Variants in NRXN3 observed in about 807,000 individuals in gnomAD.
The protein encoded by NRXN3 is neurexin III.
A neutral mutation model predicts 137.6 loss-of-function variants in NRXN3; 32 were observed. The observed-to-expected ratio is 0.23, with a 90% CI of 0.18 to 0.31. The LOEUF (loss-of-function observed/expected upper bound fraction) is 0.31. Ranked by LOEUF, NRXN3 falls within the 10% of genes least tolerant of loss-of-function variation. NRXN3 has a pLI of 1.00. For missense variants in NRXN3, 1,574 were observed against 2,062.5 expected, an observed-to-expected ratio of 0.76 and a Z score of 4.59; for synonymous variants, 798 against 784.5, an observed-to-expected ratio of 1.02 and a Z score of -0.29.
intron 15 of NRXN3, among the ~76,000 whole-genome samples, chr14:79,167,641 T>C (rs1568481450): frequency 6.6e-6 from 1 of 151,998 alleles, no homozygotes; most frequent in South Asian, 2.1e-4. Context: ...TTATTTTTTT[T>C]CTTCAATGAT....
intron 4 of NRXN3, among the ~76,000 whole-genome samples, chr14:78,563,011 T>C (rs1600516696): frequency 6.6e-6 from 1 of 152,152 alleles, no homozygotes; most frequent in Non-Finnish European, 1.5e-5. Flanking sequence ...AGATGGGACA[T>C]CCAAGGTACC....
intron 10 of NRXN3, among the ~76,000 whole-genome samples, chr14:78,881,688 GA>G (rs1235289468): frequency 1.2e-4 from 18 of 151,822 alleles, no homozygotes; most frequent in Admixed American, 1.1e-3. Context: ...CACAAAGATA[GA>G]ATTTGGAATT....
At chr14:78,471,314 ACACACACACACACACACACC>A (rs932870637) in intron 4 of NRXN3, among the ~76,000 whole-genome samples, 57 of 75,288 alleles carry the variant, frequency 7.6e-4, no homozygotes, top group South Asian at 4.8e-3. Flanking sequence ...ACACACACAC[ACACACACACACACACACACC>A]CCCAAGAAAT....
chr14:79,439,033 T>G (rs1235149955), intron 15 of NRXN3, among the ~76,000 whole-genome samples: 1 of 152,260 alleles, frequency 6.6e-6, no homozygotes, highest in Non-Finnish European at 1.5e-5. Flanking sequence ...TTTTCCACTT[T>G]CTTTCATGCA....
chr14:79,227,323 C>T (rs574135471), intron 15 of NRXN3, among the ~76,000 whole-genome samples: 12 of 152,158 alleles, frequency 7.9e-5, no homozygotes, highest in African/African-American at 2.4e-4. Context: ...CTTATACTTT[C>T]GTGTTAATAC....
chr14:78,623,020 G>A (rs2097421339), intron 4 of NRXN3, among the ~76,000 whole-genome samples: 3 of 152,120 alleles, frequency 2.0e-5, no homozygotes, highest in Admixed American at 6.5e-5. Flanking sequence ...AAAACCCCAG[G>A]ACTTATAAAT....
chr14:78,706,071 G>C (rs12887197), intron 6 of NRXN3, among the ~76,000 whole-genome samples: 139,281 of 151,936 alleles, frequency 0.92, 64,115 homozygotes, highest in Middle Eastern at 0.97. Flanking sequence ...TCCCCAGCCT[G>C]CTGTAGCAAT....
At chr14:78,822,139 C>G (rs1458429674) in intron 10 of NRXN3, among the ~76,000 whole-genome samples, 1 of 152,090 alleles carries the variant, frequency 6.6e-6, no homozygotes, top group East Asian at 1.9e-4. Context: ...TTTGTCACAG[C>G]AAAATAATAT....
chr14:79,030,895 G>T (rs561524241), intron 15 of NRXN3, among the ~76,000 whole-genome samples: 1 of 151,900 alleles, frequency 6.6e-6, no homozygotes, highest in African/African-American at 2.4e-5. Flanking sequence ...TCGTGTGGCA[G>T]CTTGTCTTTT....
intron 19 of NRXN3, among the ~76,000 whole-genome samples, chr14:79,744,995 A>C (rs2098974973): frequency 6.6e-6 from 1 of 151,264 alleles, no homozygotes; most frequent in Non-Finnish European, 1.5e-5. Flanking sequence ...TTTAAGTCAA[A>C]AGTTGAATAT....
intron 19 of NRXN3, among the ~76,000 whole-genome samples, chr14:79,749,702 C>A (rs1292762232): frequency 6.6e-6 from 1 of 152,134 alleles, no homozygotes; most frequent in Admixed American, 6.6e-5. Flanking sequence ...TCACCCCTCA[C>A]CACATTGAGG....
intron 6 of NRXN3, among the ~76,000 whole-genome samples, chr14:78,700,970 C>T (rs1260901430): frequency 6.6e-6 from 1 of 152,094 alleles, no homozygotes; most frequent in Non-Finnish European, 1.5e-5. Flanking sequence ...CGGGGTTTCA[C>T]CATCTTGGCC....
At chr14:78,973,259 C>T (rs372154556) in intron 14 of NRXN3, among the ~76,000 whole-genome samples, 3 of 152,078 alleles carry the variant, frequency 2.0e-5, no homozygotes, top group African/African-American at 4.8e-5. Context: ...GTTGGCTCCT[C>T]TTAATTTATT....
chr14:78,882,806 A>G (rs1228167176), intron 10 of NRXN3, among the ~76,000 whole-genome samples: 1 of 151,550 alleles, frequency 6.6e-6, no homozygotes, highest in Non-Finnish European at 1.5e-5. Context: ...TTGTGAGGGC[A>G]TGAGATTTGT....
chr14:78,610,023 GGAGAGAGGGAGGGAGAGAGA>G (rs1314870249), intron 4 of NRXN3, among the ~76,000 whole-genome samples: 1 of 151,484 alleles, frequency 6.6e-6, no homozygotes, highest in Non-Finnish European at 1.5e-5. Flanking sequence ...AGGAGAGGGA[GGAGAGAGGGAGGGAGAGAGA>G]GAGAGAGAGA....
At chr14:78,343,937 A>C (rs1039946339) in intron 4 of NRXN3, among the ~76,000 whole-genome samples, 1 of 152,230 alleles carries the variant, frequency 6.6e-6, no homozygotes. Context: ...TTAGGCAGTG[A>C]TGCTTGATGC....
chr14:78,457,050 C>G (rs537367755), intron 4 of NRXN3, among the ~76,000 whole-genome samples: 4 of 148,826 alleles, frequency 2.7e-5, no homozygotes, highest in South Asian at 2.2e-4. Context: ...TCTCCCCCGC[C>G]ACCTCCTCTT....
At chr14:79,107,164 T>TA (rs1053990001) in intron 15 of NRXN3, among the ~76,000 whole-genome samples, 3 of 152,230 alleles carry the variant, frequency 2.0e-5, no homozygotes, top group East Asian at 1.9e-4. Context: ...CCTCCTCAGC[T>TA]AAAAAACACC....
At chr14:79,283,581 G>A (rs2081656113) in intron 15 of NRXN3, among the ~76,000 whole-genome samples, 1 of 152,108 alleles carries the variant, frequency 6.6e-6, no homozygotes, top group Admixed American at 6.6e-5. Flanking sequence ...CCTAGAGGAT[G>A]CTGGGATTCT....
Sources: allele counts gnomAD v4.1 joint callset (sites outside exome capture counted in the v4.1 genomes callset), GRCh38; gene constraint gnomAD v4.1.1; transcripts MANE v1.5; gene names NCBI Gene and HGNC (gene_info 2026-07-23, HGNC 2026-07-21).